Variants in TBC1D22A observed in about 807,000 individuals in gnomAD.
TBC1D22A encodes putative GTPase activator.
In TBC1D22A, 38 loss-of-function variants were observed where a neutral mutation model predicts 60.2. The ratio of observed to expected loss-of-function variants is 0.63; its 90% CI spans 0.49 to 0.83. The LOEUF (loss-of-function observed/expected upper bound fraction) is 0.83, where lower values mean the gene tolerates loss of function less well. Ranked by LOEUF, TBC1D22A falls within the 40% of genes least tolerant of loss-of-function variation. The pLI is 0.00. For missense variants in TBC1D22A, 628 were observed against 701.0 expected (o/e 0.90, Z 1.18); for synonymous variants, 302 against 281.7 (o/e 1.07, Z -0.72).
chr22:46,995,474 TAGG>T (rs1003832199), intron 9 of TBC1D22A, among the ~76,000 whole-genome samples: 2 of 152,166 alleles, frequency 1.3e-5, no homozygotes, highest in African/African-American at 4.8e-5. Flanking sequence ...CTGCTCTTGT[TAGG>T]AGATGTCATG....
At chr22:47,060,125 G>T (rs1247456927) in intron 11 of TBC1D22A, among the ~76,000 whole-genome samples, 1 of 152,080 alleles carries the variant, frequency 6.6e-6, no homozygotes, top group Non-Finnish European at 1.5e-5. Context: ...TTATGCACGT[G>T]TTGGCTCCGT....
At chr22:46,907,053 G>T (rs1302251781) in intron 7 of TBC1D22A, among the ~76,000 whole-genome samples, 1 of 150,324 alleles carries the variant, frequency 6.7e-6, no homozygotes, top group Non-Finnish European at 1.5e-5. Context: ...CTGTGTGCAT[G>T]TGCTCTTCTC....
intron 10 of TBC1D22A, among the ~76,000 whole-genome samples, chr22:47,003,733 A>C (rs1361764221): frequency 1.5e-5 from 2 of 137,400 alleles, no homozygotes; most frequent in Admixed American, 7.2e-5. Flanking sequence ...CACTCTACAC[A>C]CACATGCCTG....
chr22:46,797,722 G>C, intron 4 of TBC1D22A, 102 bp downstream of exon 4: 1 of 1,225,366 alleles, frequency 8.2e-7, no homozygotes, highest in Non-Finnish European at 1.1e-6. Context: ...TAATGCACAC[G>C]CGTCCGTGTG....
intron 4 of TBC1D22A, among the ~76,000 whole-genome samples, chr22:46,857,079 T>A (rs1482968166): frequency 6.6e-6 from 1 of 152,202 alleles, no homozygotes; most frequent in East Asian, 1.9e-4. Flanking sequence ...ATGGAAGGGG[T>A]GCCGTGGTCA....
At chr22:46,884,813 G>T (rs911279361) in intron 5 of TBC1D22A, among the ~76,000 whole-genome samples, 20 of 152,192 alleles carry the variant, frequency 1.3e-4, no homozygotes, top group Non-Finnish European at 2.9e-4. Flanking sequence ...GTTCAGAGAG[G>T]GGCACTGAGG....
intron 12 of TBC1D22A, among the ~76,000 whole-genome samples, chr22:47,139,952 GA>G (rs2067017739): frequency 6.6e-6 from 1 of 152,350 alleles, no homozygotes; most frequent in African/African-American, 2.4e-5. Flanking sequence ...ATCCCACTCT[GA>G]AATGTCAAGC....
At chr22:47,153,599 G>A (rs1050646901) in intron 12 of TBC1D22A, among the ~76,000 whole-genome samples, 4 of 152,096 alleles carry the variant, frequency 2.6e-5, no homozygotes, top group Admixed American at 6.6e-5. Context: ...GGGAGGAGCT[G>A]TGGCCGTCGT....
At position 46,961,067 on chromosome 22, in the gene TBC1D22A, C is replaced by T. The variant is rs891688638; in HGVS notation, c.1016-13223C>T. On this transcript the variant is annotated intron_variant, in intron 8 of 12. Transcript: ENST00000337137. ...GCCCAGGACTCCTTCATGGAAGATA[C>T]AAACACAGATCTTTGAAGCCTCATT... Among the ~76,000 whole-genome samples, 5 of 147,096 alleles carry T rather than the reference C, an allele frequency of 3.4e-5. No homozygotes were observed. In the South Asian group the frequency reaches 8.8e-4, roughly 26 times the overall value.
intron 4 of TBC1D22A, among the ~76,000 whole-genome samples, chr22:46,868,996 C>T (rs2067183240): frequency 1.3e-5 from 2 of 152,312 alleles, no homozygotes; most frequent in Admixed American, 1.3e-4. Flanking sequence ...GGTTCTTTGC[C>T]CTCAGTTGGC....
chr22:47,028,405 C>G lies in TBC1D22A; in HGVS notation c.1202-8666C>G, dbSNP rs191717552. ...TTCCTGTCCCTCGGTCCCTGTCCCC[C>G]ACGGCCCAGGTTCTGAGAGCGAGTG... On this transcript the variant is annotated intron_variant, in intron 10 of 12. Coordinates refer to ENST00000337137, the MANE Select transcript of TBC1D22A (RefSeq NM_014346.5). The surrounding 1 kb of genome is among the most constrained non-coding windows in gnomAD (Gnocchi z 4.4). Among the ~76,000 whole-genome samples the G allele has an allele frequency of 4.1e-4, 57 of 140,668 alleles. 1 individual carries two copies. In the East Asian group the frequency reaches 9.5e-3, roughly 23 times the overall value. The allele number at this position is 140,668 out of a possible 152,430, so 92.3% of individuals were successfully genotyped here.
intron 4 of TBC1D22A, among the ~76,000 whole-genome samples, chr22:46,870,596 A>T (rs2067252482): frequency 6.6e-6 from 1 of 152,190 alleles, no homozygotes; most frequent in African/African-American, 2.4e-5. Context: ...AGTCTGTTTC[A>T]TGTTGTTCTA....
chr22:46,881,793 G>A (rs1163331371), intron 5 of TBC1D22A, among the ~76,000 whole-genome samples: 1 of 152,216 alleles, frequency 6.6e-6, no homozygotes, highest in Non-Finnish European at 1.5e-5. Context: ...CCGGGAACAA[G>A]TGCTCACTGT....
chr22:47,120,403 C>G (rs533687896), intron 12 of TBC1D22A, among the ~76,000 whole-genome samples: 12 of 152,310 alleles, frequency 7.9e-5, no homozygotes, highest in African/African-American at 2.9e-4. Context: ...TGTCCTCTCC[C>G]CATACAGTCT....
At chr22:46,816,219 C>T (rs960684367) in intron 4 of TBC1D22A, among the ~76,000 whole-genome samples, 1 of 152,184 alleles carries the variant, frequency 6.6e-6, no homozygotes, top group Non-Finnish European at 1.5e-5. Context: ...TGAGCCTCCC[C>T]ACTGGAAGCT....
At chr22:46,895,288 A>G (rs1053424739) in intron 7 of TBC1D22A, among the ~76,000 whole-genome samples, 2 of 152,010 alleles carry the variant, frequency 1.3e-5, no homozygotes, top group Non-Finnish European at 2.9e-5. Flanking sequence ...TTCATGGGAC[A>G]GTAGGGACAC....
intron 11 of TBC1D22A, among the ~76,000 whole-genome samples, chr22:47,087,721 A>G (rs892939659): frequency 2.0e-5 from 3 of 152,250 alleles, no homozygotes; most frequent in Non-Finnish European, 2.9e-5. Context: ...AAATTCTAAC[A>G]TAAAAGAGAA....
intron 4 of TBC1D22A, among the ~76,000 whole-genome samples, chr22:46,856,936 G>A (rs770917559): frequency 6.6e-6 from 1 of 152,236 alleles, no homozygotes; most frequent in African/African-American, 2.4e-5. Flanking sequence ...TTTGAAATGA[G>A]GTTGGGATGC....
chr22:47,146,720 C>T (rs116716447), intron 12 of TBC1D22A, among the ~76,000 whole-genome samples: 1,762 of 152,152 alleles, frequency 0.012, 40 homozygotes, highest in African/African-American at 0.041. Flanking sequence ...CTTGATGGGG[C>T]GGTGGGAAGG....
Sources: gnomAD v4.1 joint callset for allele counts (sites outside exome capture counted in the v4.1 genomes callset) on GRCh38, gnomAD v4.1.1 for gene constraint, Gnocchi (gnomAD v3.1) non-coding constraint, MANE v1.5 for transcripts, NCBI Gene and HGNC (gene_info 2026-07-23, HGNC 2026-07-21) for gene names.